DICER1: variants seen among roughly 807,000 people sequenced by gnomAD.
DICER1 encodes endoribonuclease Dicer.
DICER1 carries 43 observed loss-of-function variants against 194.1 expected under a neutral mutation model. The ratio of observed to expected loss-of-function variants is 0.22; its 90% confidence interval spans 0.17 to 0.29. DICER1 has a LOEUF of 0.29. DICER1 is among the 10% of genes least tolerant of loss of function. The pLI is 1.00. For missense variants in DICER1, 1,608 were observed against 2,317.0 expected (o/e 0.69, Z 6.28); for synonymous variants, 832 against 820.5 (o/e 1.01, Z -0.24).
rs201883449 is a variant in DICER1, at chr14:95,113,094, C to T, written c.2038G>A (p.Val680Ile). ...PINSPLRASIVGPPMSCVRLA... is the reference protein window; with the variant it reads ...PINSPLRASIIGPPMSCVRLA... The stretch of plus-strand genomic sequence containing the variant: ...ATCATTTCTTCTTCTAAACTTACAA[C>T]AATGGAGGCTCGAAGAGGTGAGTTA... Residue 680 changes from valine (V) to isoleucine (I), a missense_variant and splice_region_variant, in exon 12 of 27, where the codon GTT (valine) becomes ATT (isoleucine). Physicochemically the swap from Val to Ile is conservative, Grantham distance 29. Coordinates refer to ENST00000343455, the MANE Select transcript of DICER1 (RefSeq NM_177438.3). 4.2e-5 allele frequency: 67 copies of T among 1,613,702 alleles called. No homozygotes were observed. The East Asian group carries it at 7.8e-4, about 19-fold the overall frequency.
rs1555368589 is a variant in DICER1 at position 95,099,858 on chromosome 14, G to C, written c.4128C>G (p.Pro1376=). 2 of 1,613,834 alleles carry C rather than the reference G, an allele frequency of 1.2e-6. No individual in the cohort carries two copies. The highest frequency in any genetic ancestry group is 1.7e-6 in the Non-Finnish European group (2 of 1,179,968). Residue 1376 remains proline (P), a synonymous_variant, in exon 22 of 27, where the codon CCC becomes CCG. Coordinates refer to ENST00000343455, the MANE Select transcript of DICER1 (RefSeq NM_177438.3). ...AACCAGGAGGAAGCCAATTCACAGG[G>C]GGATCAAATATTGACACCACCATGC... is the stretch of plus-strand genomic sequence containing the variant. ...PSRMVVSIFD[P]PVNWLPPGYV...
At chr14:95,142,858 T>C (rs1438855827) in intron 1 of DICER1, among the ~76,000 whole-genome samples, 1 of 152,220 alleles carries the variant, frequency 6.6e-6, no homozygotes, top group Non-Finnish European at 1.5e-5. Flanking sequence ...GCTGTATCCT[T>C]TCACAGGCTA....
intron 6 of DICER1, chr14:95,128,921 A>G (rs543500975): frequency 2.6e-5 from 4 of 152,506 alleles, no homozygotes; most frequent in African/African-American, 9.7e-5. Context: ...CCTTCCACCA[A>G]CCTAAGTTAT....
Position 95,089,292 on chromosome 14 carries a change from G to A in DICER1, c.*1206C>T, listed in dbSNP as rs1398906996. The A allele has an allele frequency of 4.3e-6, 1 of 232,546 alleles. No homozygotes were observed. The highest frequency in any genetic ancestry group is 8.5e-6 in the Non-Finnish European group (1 of 117,904). 14.4% of individuals were successfully genotyped at this position (232,546 alleles called of 1,614,324 possible). ...TCACAGATGTATCAAAATTACGGCA[G>A]TTTATCGCAAACGTTAAACTTTCAC... On this transcript the variant is annotated 3_prime_UTR_variant, in exon 27 of 27. Transcript: ENST00000343455.
At chr14:95,109,061 A>C (rs1332714505) in intron 14 of DICER1, among the ~76,000 whole-genome samples, 1 of 152,184 alleles carries the variant, frequency 6.6e-6, no homozygotes, top group Non-Finnish European at 1.5e-5. Flanking sequence ...ACTGGTGTAT[A>C]TTAGGGTATG....
At position 95,105,576 on chromosome 14, in the gene DICER1, G is replaced by A. The variant is rs774666772; in HGVS notation, c.3093+102C>T. On this transcript the variant is annotated intron_variant, in intron 19 of 26. Coordinates refer to ENST00000343455, the MANE Select transcript of DICER1 (RefSeq NM_177438.3). The surrounding 1 kb of genome is among the most constrained non-coding windows in gnomAD (Gnocchi z 4.9). ...ATTAGGTAACTTCTAAAAAATTAAC[G>A]AATCATGCATTTAACTTGGTAAGAT... 1.5e-5 allele frequency: 14 copies of A among 936,064 alleles called. No individual in the cohort carries two copies. The highest frequency in any genetic ancestry group is 5.0e-5 in the African/African-American group (3 of 60,566). The allele number at this position is 936,064 out of a possible 1,614,324, so 58.0% of individuals were successfully genotyped here. A position where few individuals can be genotyped will look rare whatever the true frequency, so the allele number is the denominator to read the frequency against.
chr14:95,090,927 C>A, intron 26 of DICER1, 107 bp downstream of exon 26: 2 of 1,134,574 alleles, frequency 1.8e-6, no homozygotes, highest in Non-Finnish European at 2.6e-6. Context: ...CAACAGCACA[C>A]CACAGTGTAA....
At chr14:95,123,074 G>T (rs1893083921) in intron 8 of DICER1, among the ~76,000 whole-genome samples, 1 of 152,022 alleles carries the variant, frequency 6.6e-6, no homozygotes, top group Non-Finnish European at 1.5e-5. Context: ...CCAATTAATG[G>T]ATCTCATAGA....
intron 1 of DICER1, among the ~76,000 whole-genome samples, chr14:95,139,938 A>G (rs1442503876): frequency 6.6e-6 from 1 of 152,206 alleles, no homozygotes; most frequent in African/African-American, 2.4e-5. Context: ...CAAGACTTAA[A>G]ATTCCAACAG....
At position 95,094,775 on chromosome 14, in the gene DICER1, A is replaced by T. The variant is rs556101609; in HGVS notation, c.5096-619T>A. Among the ~76,000 whole-genome samples, 28 of 152,348 alleles carry T rather than the reference A, an allele frequency of 1.8e-4. No individual in the cohort carries two copies. In the South Asian group the frequency reaches 5.4e-3, roughly 29 times the overall value. ...TGTGAAAGGGAGCAAAGGCAGGTAA[A>T]CTGGTTGTCAAAATGTGAAAATGAT... On this transcript the variant is annotated intron_variant, in intron 23 of 26. Transcript: ENST00000343455.
intron 22 of DICER1, among the ~76,000 whole-genome samples, chr14:95,098,317 T>TAA (rs1890549196): frequency 2.0e-5 from 3 of 152,364 alleles, no homozygotes; most frequent in Non-Finnish European, 4.4e-5. Context: ...AAGAGGCGTT[T>TAA]TAGCATGCAA....
At chr14:95,114,774 G>A (rs1308091419) in intron 11 of DICER1, among the ~76,000 whole-genome samples, 1 of 152,180 alleles carries the variant, frequency 6.6e-6, no homozygotes, top group Non-Finnish European at 1.5e-5. Flanking sequence ...TGGTAAGCTA[G>A]GATGAGGAGA....
Position 95,096,588 on chromosome 14 carries a change from C to G in DICER1, c.4332G>C (p.Glu1444Asp), listed in dbSNP as rs1367487931. The change falls in exon 23 of 27, where the codon GAG (glutamate) becomes GAC (aspartate). Residue 1444 changes from glutamate to aspartate, a missense_variant. By Grantham distance (45) the Glu-to-Asp change is conservative. Around this residue, in one of 10 missense-constraint regions of DICER1, gnomAD observed 164 missense variants for 183.7 expected, o/e 0.89. Transcript: ENST00000343455. ...EEADYEDDFLEYDQEHIRFID... is the reference protein window; with the variant it reads ...EEADYEDDFLDYDQEHIRFID... Reference sequence around the variant, plus strand: ...TAAATCTGATATGTTCCTGATCATACTCCAGGAAATCATCTTCATAGTCAG... The same window carrying G: ...TAAATCTGATATGTTCCTGATCATAGTCCAGGAAATCATCTTCATAGTCAG... 1.9e-6 allele frequency: 3 copies of G among 1,611,812 alleles called. No individual in the cohort carries two copies. The East Asian group carries it at 6.7e-5, about 36-fold the overall frequency.
In DICER1 at chr14:95,108,337, T is replaced by A. The variant is rs1232785791; in HGVS notation, c.2423A>T (p.Lys808Ile). The A allele has an allele frequency of 6.2e-7, 1 of 1,614,164 alleles. No individual in the cohort carries two copies. The highest frequency in any genetic ancestry group is 1.1e-5 in the South Asian group (1 of 91,080). The change falls in exon 15 of 27, where the codon AAA (lysine) becomes ATA (isoleucine). Residue 808 changes from lysine to isoleucine, a missense_variant. This residue lies in a region of DICER1 where 150 missense variants were observed against 216.0 expected (regional missense o/e 0.69). Transcript: ENST00000343455. ...TTRCFGILTA[K>I]PIPQIPHFPV... ...TGAAATACCTACCTGAGGTATGGGT[T>A]TGGCCGTCAGTATTCCAAAGCATCT...
intron 1 of DICER1, among the ~76,000 whole-genome samples, chr14:95,147,111 A>G (rs1434153514): frequency 6.6e-6 from 1 of 152,210 alleles, no homozygotes; most frequent in East Asian, 1.9e-4. Context: ...CAAACTTTCA[A>G]ACTGTGGATG....
At position 95,091,063 on chromosome 14, in the gene DICER1, A is replaced by T; in HGVS notation, c.5574T>A (p.Leu1858=). 6.2e-7 allele frequency: 1 copy of T among 1,613,892 alleles called. No homozygotes were observed. Residue 1858 remains leucine (L), a synonymous_variant, in exon 26 of 27, where the codon CTT becomes CTA. Coordinates refer to ENST00000343455, the MANE Select transcript of DICER1 (RefSeq NM_177438.3). ...ATTTGGCAGTTTCTGGTTCCATTTCAAGCAATTCTCGCACAGGGGAACGGG... is the reference window on the plus strand; with the variant it reads ...ATTTGGCAGTTTCTGGTTCCATTTCTAGCAATTCTCGCACAGGGGAACGGG... The part of the protein sequence containing the change: ...NVPRSPVREL[L]EMEPETAKFS...
At chr14:95,108,609 G>A in intron 14 of DICER1, 106 bp from the exon 15 acceptor site, 2 of 1,047,104 alleles carry the variant, frequency 1.9e-6, no homozygotes, top group Non-Finnish European at 1.5e-6. Flanking sequence ...AAGCTGATGA[G>A]AATAAGCTAA....
chr14:95,127,191 C>T (rs113745694), intron 6 of DICER1, among the ~76,000 whole-genome samples: 10,008 of 152,232 alleles, frequency 0.066, 428 homozygotes, highest in Non-Finnish European at 0.096. Flanking sequence ...GCTCTTTCAG[C>T]CAAACCCTAC....
chr14:95,092,568 C>T (rs924795897), intron 24 of DICER1, among the ~76,000 whole-genome samples: 1 of 152,058 alleles, frequency 6.6e-6, no homozygotes, highest in Non-Finnish European at 1.5e-5. Context: ...TTAAAACTTA[C>T]CAAGTTTAAT....
Sources: gnomAD v4.1 joint callset for allele counts (sites outside exome capture counted in the v4.1 genomes callset) on GRCh38, gnomAD v4.1.1 for gene constraint, gnomAD v4.1.1 regional missense constraint, Gnocchi (gnomAD v3.1) non-coding constraint, MANE v1.5 for transcripts, NCBI Gene and HGNC (gene_info 2026-07-23, HGNC 2026-07-21) for gene names.